Variants in THOP1 observed in about 807,000 individuals in gnomAD.
THOP1 encodes thimet oligopeptidase 1, also known as thimet oligopeptidase.
THOP1 carries 49 observed loss-of-function variants against 71.8 expected under a neutral mutation model. The observed-to-expected ratio is 0.68, with a 90% confidence interval of 0.54 to 0.87. The LOEUF (loss-of-function observed/expected upper bound fraction) is 0.87, where lower values mean the gene tolerates loss of function less well. Ranked by LOEUF, THOP1 falls within the 40% of genes least tolerant of loss-of-function variation. THOP1 has a pLI of 0.00. For synonymous variants in THOP1, 426 were observed against 421.5 expected (o/e 1.01, Z -0.13); for missense variants, 843 against 975.6 (o/e 0.86, Z 1.81).
chr19:2,808,429 C>G lies in THOP1; in HGVS notation c.1440C>G (p.His480Gln). 1 of 1,606,740 alleles carries G rather than the reference C, an allele frequency of 6.2e-7. No individual in the cohort carries two copies. The highest frequency in any genetic ancestry group is 8.5e-7 in the Non-Finnish European group (1 of 1,175,484). The part of the protein sequence containing the change: ...TYFHEFGHVM[H>Q]QLCSQAEFAM... ...TCCATGAGTTTGGCCACGTGATGCA[C>G]CAGCTCTGCTCCCAGGTGGGTGCGG... The change falls in exon 9 of 13, where the codon CAC becomes CAG. Residue 480 changes from histidine (H) to glutamine (Q), a missense_variant. Transcript: ENST00000307741.
chr19:2,794,835 G>A lies in THOP1; in HGVS notation c.301G>A (p.Ala101Thr). The A allele has an allele frequency of 6.2e-7, 1 of 1,614,042 alleles. No homozygotes were observed. The highest frequency in any genetic ancestry group is 1.7e-5 in the Admixed American group (1 of 60,022). ...GGACATCCGGACAGCCAGCACAGAG[G>A]CCGACAAGAAGCTCTCTGAGTTCGA... ...SKDIRTASTE[A>T]DKKLSEFDVE... is the part of the protein sequence containing the mutation. The change falls in exon 3 of 13, where the codon GCC becomes ACC. Residue 101 changes from alanine to threonine, a missense_variant. Coordinates refer to ENST00000307741, the MANE Select transcript of THOP1 (RefSeq NM_003249.5).
In THOP1 at chr19:2,809,936, G is replaced by A. The variant is rs112446715; in HGVS notation, c.1456-368G>A. The A allele has an allele frequency of 1.9e-3, 556 of 295,066 alleles. 1 individual carries two copies. Among genetic ancestry groups the A allele is most frequent in the African/African-American group, 9.4e-3 (426 of 45,554 alleles). The allele number at this position is 295,066 out of a possible 1,614,324, so 18.3% of individuals were successfully genotyped here. ...TTTAGGGAAGGTTCCACACACACAC[G>A]AGCAGGGAGATGCAGCATGCCTCAC... On this transcript the variant is annotated intron_variant, in intron 9 of 12. Transcript: ENST00000307741.
At chr19:2,788,376 A>G (rs1460972909) in intron 1 of THOP1, among the ~76,000 whole-genome samples, 1 of 152,178 alleles carries the variant, frequency 6.6e-6, no homozygotes, top group Non-Finnish European at 1.5e-5. Flanking sequence ...TGTTAGTGCC[A>G]CTGTCCCATC....
chr19:2,789,739 C>T (rs1306961998), intron 1 of THOP1, among the ~76,000 whole-genome samples: 1 of 151,942 alleles, frequency 6.6e-6, no homozygotes, highest in African/African-American at 2.4e-5. Flanking sequence ...TGTCTCCACT[C>T]TAGGGCAGGG....
At position 2,808,372 on chromosome 19, in the gene THOP1, G is replaced by C. The variant is rs756922459; in HGVS notation, c.1383G>C (p.Ser461=). 1 of 1,610,984 alleles carries C rather than the reference G, an allele frequency of 6.2e-7. No individual in the cohort carries two copies. The highest frequency in any genetic ancestry group is 1.7e-5 in the Admixed American group (1 of 59,822). Residue 461 remains serine (S), a synonymous_variant, in exon 9 of 13, where the codon TCG becomes TCC. Coordinates refer to ENST00000307741, the MANE Select transcript of THOP1 (RefSeq NM_003249.5). ...CCAAGCCCACAGCCGACGCGCCCTCGCTGCTGCAGCATGACGAGGTGGAGA... is the reference window on the plus strand; with the variant it reads ...CCAAGCCCACAGCCGACGCGCCCTCCCTGCTGCAGCATGACGAGGTGGAGA... ...NFTKPTADAP[S]LLQHDEVETY...
chr19:2,811,591 GC>G lies in THOP1; in HGVS notation c.1772-3del. On this transcript the variant is annotated splice_polypyrimidine_tract_variant and splice_region_variant and intron_variant, in intron 11 of 12. Coordinates refer to ENST00000307741, the MANE Select transcript of THOP1 (RefSeq NM_003249.5). Reference sequence around the variant, plus strand: ...ACAGCGTGAACCCTGCCATGTGTCCGCCCCAGGAACCAACATGCCTGCAACC... The same window carrying G: ...ACAGCGTGAACCCTGCCATGTGTCCGCCCAGGAACCAACATGCCTGCAACC... 17 of 1,611,434 alleles carry G rather than the reference GC, an allele frequency of 1.1e-5. No individual in the cohort carries two copies. The highest frequency in any genetic ancestry group is 1.4e-5 in the Non-Finnish European group (16 of 1,178,908).
intron 4 of THOP1, among the ~76,000 whole-genome samples, chr19:2,797,444 G>A (rs528946527): frequency 7.9e-5 from 12 of 152,206 alleles, no homozygotes; most frequent in African/African-American, 2.9e-4. Context: ...TGATCTTTCC[G>A]AGGCCGGCCA....
chr19:2,789,003 C>T (rs536408146), intron 1 of THOP1, among the ~76,000 whole-genome samples: 7 of 152,304 alleles, frequency 4.6e-5, no homozygotes, highest in African/African-American at 1.4e-4. Flanking sequence ...TCAAGTGATC[C>T]GCCTGCCTTG....
intron 5 of THOP1, among the ~76,000 whole-genome samples, chr19:2,802,547 CG>C (rs1916179783): frequency 7.0e-6 from 1 of 142,760 alleles, no homozygotes; most frequent in African/African-American, 3.0e-5. Context: ...CAACACCTCC[CG>C]ACACCAACAC....
chr19:2,787,739 G>C (rs986027388), intron 1 of THOP1, among the ~76,000 whole-genome samples: 1 of 152,180 alleles, frequency 6.6e-6, no homozygotes, highest in South Asian at 2.1e-4. Context: ...TGGGGACACT[G>C]GACGGTGTCT....
At chr19:2,798,509 G>A (rs948144070) in intron 4 of THOP1, among the ~76,000 whole-genome samples, 1 of 152,208 alleles carries the variant, frequency 6.6e-6, no homozygotes, top group Non-Finnish European at 1.5e-5. Context: ...GAGTTCCAGC[G>A]CGTCCCCGCG....
chr19:2,792,565 G>C (rs1915911517), intron 2 of THOP1, among the ~76,000 whole-genome samples: 2 of 151,916 alleles, frequency 1.3e-5, no homozygotes, highest in South Asian at 2.1e-4. Context: ...AACTGAGGTA[G>C]TGGCCAGACT....
chr19:2,785,636 G>A lies in THOP1; in HGVS notation c.-27G>A. On this transcript the variant is annotated 5_prime_UTR_variant, in exon 1 of 13. Transcript: ENST00000307741. ...ACGCGTAGCAGGTGGAAGGAGGGAGGGAGCCGCAGGCGCAGACCCACCCGC... is the reference window on the plus strand; with the variant it reads ...ACGCGTAGCAGGTGGAAGGAGGGAGAGAGCCGCAGGCGCAGACCCACCCGC... 1 of 1,504,662 alleles carries A rather than the reference G, an allele frequency of 6.6e-7. No individual in the cohort carries two copies. Among genetic ancestry groups the A allele is most frequent in the Non-Finnish European group, 8.9e-7 (1 of 1,127,052 alleles). 93.2% of individuals were successfully genotyped at this position (1,504,662 alleles called of 1,614,324 possible).
At position 2,790,553 on chromosome 19, in the gene THOP1, A is replaced by G; in HGVS notation, c.149A>G (p.Gln50Arg). ...LIEQTKRVYD[Q>R]VGTQEFEDVS... ...GAGCAGACCAAGCGCGTGTATGACCAGGTTGGCACCCAGGAGTTTGAGGAC... is the reference window on the plus strand; with the variant it reads ...GAGCAGACCAAGCGCGTGTATGACCGGGTTGGCACCCAGGAGTTTGAGGAC... Residue 50 changes from glutamine to arginine, a missense_variant, in exon 2 of 13, where the codon CAG becomes CGG. Gln to Arg is a conservative substitution (Grantham distance 43). Transcript: ENST00000307741. 5 of 1,607,358 alleles carry G rather than the reference A, an allele frequency of 3.1e-6. No homozygotes were observed. Among genetic ancestry groups the G allele is most frequent in the Non-Finnish European group, 4.2e-6 (5 of 1,177,198 alleles).
chr19:2,810,159 T>A, intron 9 of THOP1, 145 bp from the exon 10 acceptor site: 1 of 1,098,120 alleles, frequency 9.1e-7, no homozygotes, highest in Non-Finnish European at 1.3e-6. Context: ...CCCGGTCGTT[T>A]TCCAGTTTTG....
At position 2,807,645 on chromosome 19, in the gene THOP1, G is replaced by T; in HGVS notation, c.1090G>T (p.Val364Leu). 6.2e-7 allele frequency: 1 copy of T among 1,610,740 alleles called. No homozygotes were observed. Among genetic ancestry groups the T allele is most frequent in the Non-Finnish European group, 8.5e-7 (1 of 1,178,336 alleles). ...GCTCAAGGAGTACTTCCCCGTGCAGGTGGTCACGCACGGGCTGCTGGGCAT... is the reference window on the plus strand; with the variant it reads ...GCTCAAGGAGTACTTCCCCGTGCAGTTGGTCACGCACGGGCTGCTGGGCAT... Reference protein sequence around the residue: ...NLLKEYFPVQVVTHGLLGIYQ... With the variant: ...NLLKEYFPVQLVTHGLLGIYQ... The change falls in exon 8 of 13, where the codon GTG (valine) becomes TTG (leucine). Residue 364 changes from valine (V) to leucine (L), a missense_variant. Val to Leu is a conservative substitution (Grantham distance 32). Coordinates refer to ENST00000307741, the MANE Select transcript of THOP1 (RefSeq NM_003249.5).
At chr19:2,812,011 T>G in intron 12 of THOP1, 1 of 1,027,142 alleles carries the variant, frequency 9.7e-7, no homozygotes, top group Non-Finnish European at 1.4e-6. Context: ...CCACAGCTCC[T>G]CCCTGGGCCC....
chr19:2,797,307 AGCTGTTG>A (rs1916041748), intron 4 of THOP1, among the ~76,000 whole-genome samples: 1 of 152,118 alleles, frequency 6.6e-6, no homozygotes, highest in Non-Finnish European at 1.5e-5. Flanking sequence ...TTTGCAGGCG[AGCTGTTG>A]GCTGTCTCTG....
At chr19:2,802,517 A>C (rs193253936) in intron 5 of THOP1, among the ~76,000 whole-genome samples, 4 of 131,830 alleles carry the variant, frequency 3.0e-5, no homozygotes, top group Non-Finnish European at 6.3e-5. Context: ...ACACCTCACG[A>C]CACCCACACC....
Sources: gnomAD v4.1 joint callset for allele counts (sites outside exome capture counted in the v4.1 genomes callset) on GRCh38, gnomAD v4.1.1 for gene constraint, MANE v1.5 for transcripts, NCBI Gene and HGNC (gene_info 2026-07-23, HGNC 2026-07-21) for gene names.